The following ZNF814 variants were observed in gnomAD, a reference collection of about 807,000 sequenced individuals.
ZNF814 encodes zinc finger protein 814.
A neutral mutation model predicts 7.5 loss-of-function variants in ZNF814; 5 were observed. That is an observed-to-expected ratio of 0.67 (90% CI 0.35 to 1.40). ZNF814 has a LOEUF of 1.40. Ranked by LOEUF, ZNF814 falls within the 40% of genes most tolerant of loss-of-function variation. The pLI is 0.04. For missense variants in ZNF814, 962 were observed against 1,018.0 expected, an observed-to-expected ratio of 0.94 and a Z score of 0.75; for synonymous variants, 315 against 340.7, an observed-to-expected ratio of 0.92 and a Z score of 0.83.
Position 57,876,960 on chromosome 19 carries a change from T to C in ZNF814, c.119A>G (p.Tyr40Cys), listed in dbSNP as rs745607862. Reference protein sequence around the residue: ...NLLSEAQRCLYRDVTLENLAL... With the variant: ...NLLSEAQRCLCRDVTLENLAL... ...CAGGTTCTCCAGCGTCACATCACGG[T>C]ACAGGCATCTCTGAGCCTCACTAAG... Residue 40 changes from tyrosine (Y) to cysteine (C), a missense_variant, in exon 2 of 3, where the codon TAC (tyrosine) becomes TGC (cysteine). By Grantham distance (194) the Tyr-to-Cys change is radical. Transcript: ENST00000435989. 6.8e-6 allele frequency: 11 copies of C among 1,614,034 alleles called. No homozygotes were observed. In the South Asian group the frequency reaches 1.2e-4, roughly 18 times the overall value.
chr19:57,892,539 A>G (rs2071739382), upstream of ZNF814, among the ~76,000 whole-genome samples: 1 of 152,204 alleles, frequency 6.6e-6, no homozygotes. Flanking sequence ...GTTTGGCACA[A>G]TGGGCTGTTA....
chr19:57,897,407 A>C, the ZNF814 span, among the ~76,000 whole-genome samples: 1 of 152,230 alleles, frequency 6.6e-6, no homozygotes, highest in Admixed American at 6.5e-5. Flanking sequence ...AATGTAGAAA[A>C]GGAAATCAAA....
chr19:57,902,183 A>T, the ZNF814 span, among the ~76,000 whole-genome samples: 1 of 152,188 alleles, frequency 6.6e-6, no homozygotes, highest in Non-Finnish European at 1.5e-5. Context: ...TCGAATGTAA[A>T]CAAAATAGAG....
rs566013756 is a variant in ZNF814, at chr19:57,880,157, C to A, written c.37-3115G>T. On this transcript the variant is annotated intron_variant, in intron 1 of 2. Transcript: ENST00000435989. ...TCATACCTGAAACCCTCTTGCATGT[C>A]CTTACCGACCGCATTAGAAAATCTA... Among the ~76,000 whole-genome samples, 5 of 126,630 alleles carry A rather than the reference C, an allele frequency of 3.9e-5. No individual in the cohort carries two copies. The East Asian group carries it at 1.0e-3, about 26-fold the overall frequency. The allele number at this position is 126,630 out of a possible 152,430, so 83.1% of individuals were successfully genotyped here.
the ZNF814 span, among the ~76,000 whole-genome samples, chr19:57,894,987 C>T: frequency 1.3e-5 from 2 of 152,122 alleles, no homozygotes; most frequent in African/African-American, 4.8e-5. Flanking sequence ...TCAGAAGGCA[C>T]ACAGGGGAAG....
intron 1 of ZNF814, among the ~76,000 whole-genome samples, chr19:57,887,308 T>C (rs1221106798): frequency 6.6e-6 from 1 of 152,250 alleles, no homozygotes; most frequent in Non-Finnish European, 1.5e-5. Context: ...AGATTAGGCC[T>C]TCAGCAGCTC....
upstream of ZNF814, among the ~76,000 whole-genome samples, chr19:57,893,977 G>A (rs761949843): frequency 3.3e-5 from 5 of 151,838 alleles, no homozygotes; most frequent in South Asian, 2.1e-4. Context: ...CCAGCTTCTC[G>A]GGAGGCTGAG....
rs2122423150 is a variant in ZNF814 at position 57,873,969 on chromosome 19, C to T, written c.1421G>A (p.Ser474Asn). The T allele has an allele frequency of 6.2e-7, 1 of 1,614,130 alleles. No homozygotes were observed. The highest frequency in any genetic ancestry group is 8.5e-7 in the Non-Finnish European group (1 of 1,180,028). The change falls in exon 3 of 3, where the codon AGT becomes AAT. Residue 474 changes from serine to asparagine, a missense_variant. By Grantham distance (46) the Ser-to-Asn change is conservative. Transcript: ENST00000435989. The stretch of plus-strand genomic sequence containing the variant: ...ATGGTGAACAAGGCTGCGCTTATGA[C>T]TGAAAGATTTCACACATTCTCCACA... Reference protein sequence around the residue: ...FKCGECVKSFSHKRSLVHHQR... With the variant: ...FKCGECVKSFNHKRSLVHHQR...
the ZNF814 span, among the ~76,000 whole-genome samples, chr19:57,899,136 G>T: frequency 6.6e-6 from 1 of 152,020 alleles, no homozygotes; most frequent in Non-Finnish European, 1.5e-5. Flanking sequence ...TGAAAAATTT[G>T]CTTTTACTGT....
Position 57,873,729 on chromosome 19 carries a change from C to G in ZNF814, c.1661G>C (p.Gly554Ala). 1 of 1,613,208 alleles carries G rather than the reference C, an allele frequency of 6.2e-7. No individual in the cohort carries two copies. Among genetic ancestry groups the G allele is most frequent in the South Asian group, 1.1e-5 (1 of 90,978 alleles). ...GDRLYECGEC[G>A]KSFSHKGTLI... The stretch of plus-strand genomic sequence containing the variant: ...GGTGCCTTTATGACTAAAAGATTTC[C>G]CACACTCTCCACACTCATAAAGTCT... Residue 554 changes from glycine (G) to alanine (A), a missense_variant, in exon 3 of 3, where the codon GGG (glycine) becomes GCG (alanine). By Grantham distance (60) the Gly-to-Ala change is moderately conservative (BLOSUM62 0). This residue lies in a region of ZNF814 where 665 missense variants were observed against 551.4 expected (regional missense o/e 1.21). Coordinates refer to ENST00000435989, the MANE Select transcript of ZNF814 (RefSeq NM_001144989.2).
At position 57,873,477 on chromosome 19, in the gene ZNF814, CCA is replaced by C. The variant is rs772600427; in HGVS notation, c.1911_1912del (p.Cys637TrpfsTer5). 1.4e-5 allele frequency: 23 copies of C among 1,614,116 alleles called. No individual in the cohort carries two copies. The highest frequency in any genetic ancestry group is 4.4e-5 in the South Asian group (4 of 91,076). ...GTGTCCTTTTTCATTAAAAGATTTC[CCA>C]CAGTCTCCACACTTGTAAGGTCTTT... On this transcript the variant is annotated frameshift_variant, in exon 3 of 3. Coordinates refer to ENST00000435989, the MANE Select transcript of ZNF814 (RefSeq NM_001144989.2). LOFTEE classifies it low-confidence loss of function (END_TRUNC).
Position 57,873,835 on chromosome 19 carries a change from G to T in ZNF814, c.1555C>A (p.Pro519Thr). The change falls in exon 3 of 3, where the codon CCT becomes ACT. Residue 519 changes from proline (P) to threonine (T), a missense_variant. By Grantham distance (38) the Pro-to-Thr change is conservative. Coordinates refer to ENST00000435989, the MANE Select transcript of ZNF814 (RefSeq NM_001144989.2). ...TTCCCACATTCTCCACACTCATAAG[G>T]TCTTGCTCCAGTGTGAACTCGCTGG... ...LHQRVHTGAR[P>T]YECGECGKSF... The T allele has an allele frequency of 6.2e-7, 1 of 1,614,020 alleles. No individual in the cohort carries two copies. The highest frequency in any genetic ancestry group is 8.5e-7 in the Non-Finnish European group (1 of 1,179,982).
chr19:57,872,833 T>C lies in ZNF814; in HGVS notation c.2557A>G (p.Lys853Glu). 6.2e-7 allele frequency: 1 copy of C among 1,612,136 alleles called. No individual in the cohort carries two copies. Among genetic ancestry groups the C allele is most frequent in the South Asian group, 1.1e-5 (1 of 90,844 alleles). The change falls in exon 3 of 3, where the codon AAA (lysine) becomes GAA (glutamate). Residue 853 changes from lysine to glutamate, a missense_variant. Lys to Glu is a moderately conservative substitution (Grantham distance 56, BLOSUM62 1). This residue lies in a region of ZNF814 where 665 missense variants were observed against 551.4 expected (regional missense o/e 1.21). Transcript: ENST00000435989. Reference sequence around the variant, plus strand: ...GACAATCCTCACACTCATATGGCTTTTCTCCAGTGTGAACTCTGGTGTACA... The same window carrying C: ...GACAATCCTCACACTCATATGGCTTCTCTCCAGTGTGAACTCTGGTGTACA... ...LLVHQSSHWR[K>E]AI
intron 1 of ZNF814, 117 bp from the exon 2 acceptor site, chr19:57,877,159 G>T: frequency 7.6e-6 from 11 of 1,456,890 alleles, no homozygotes; most frequent in Non-Finnish European, 1.0e-5. Context: ...AAACATAGGA[G>T]AAACTAGGCC....
upstream of ZNF814, among the ~76,000 whole-genome samples, chr19:57,890,445 G>T (rs1430754223): frequency 6.6e-6 from 1 of 151,988 alleles, no homozygotes; most frequent in South Asian, 2.1e-4. Context: ...TGCAACCTCC[G>T]CCTCCTGAGA....
chr19:57,901,243 C>T, the ZNF814 span, among the ~76,000 whole-genome samples: 1 of 152,150 alleles, frequency 6.6e-6, no homozygotes, highest in Non-Finnish European at 1.5e-5. Context: ...AACTTAAAAA[C>T]TCAGTTACAA....
At chr19:57,882,630 T>C (rs201839651) in intron 1 of ZNF814, among the ~76,000 whole-genome samples, 66 of 124,634 alleles carry the variant, frequency 5.3e-4, no homozygotes, top group African/African-American at 2.5e-3. Flanking sequence ...TCAAGGGAAA[T>C]ATTTCAGATC....
At chr19:57,902,697 G>A in the ZNF814 span, among the ~76,000 whole-genome samples, 6 of 148,352 alleles carry the variant, frequency 4.0e-5, no homozygotes, top group Admixed American at 2.7e-4. Context: ...GTCTCGCTCT[G>A]TCCCCCAGGC....
At chr19:57,891,832 C>T (rs2071736449), upstream of ZNF814, among the ~76,000 whole-genome samples, 1 of 152,104 alleles carries the variant, frequency 6.6e-6, no homozygotes, top group Non-Finnish European at 1.5e-5. Flanking sequence ...CAGCTCACTG[C>T]AACCTCCACC....
Sources: gnomAD v4.1 joint callset for allele counts (sites outside exome capture counted in the v4.1 genomes callset) on GRCh38, gnomAD v4.1.1 for gene constraint, gnomAD v4.1.1 regional missense constraint, MANE v1.5 for transcripts, NCBI Gene and HGNC (gene_info 2026-07-23, HGNC 2026-07-21) for gene names.